The following MYO9A variants were observed in gnomAD, a reference collection of about 807,000 sequenced individuals.
MYO9A encodes the protein unconventional myosin-IXa.
Under a neutral mutation model 293.3 loss-of-function variants are expected in MYO9A, and 103 were observed. The ratio of observed to expected loss-of-function variants is 0.35; its 90% CI spans 0.30 to 0.41. MYO9A has a LOEUF of 0.41. Ranked by LOEUF, MYO9A falls within the 10% of genes least tolerant of loss-of-function variation. The pLI is 1.00. For synonymous variants in MYO9A, 1,001 were observed against 1,035.7 expected (o/e 0.97, Z 0.64); for missense variants, 2,685 against 3,033.0 (o/e 0.89, Z 2.69).
intron 32 of MYO9A, among the ~76,000 whole-genome samples, chr15:71,874,128 G>C (rs2056606878): frequency 6.6e-6 from 1 of 152,122 alleles, no homozygotes; most frequent in Non-Finnish European, 1.5e-5. Context: ...TTCGCAATAG[G>C]CAAATAATCT....
chr15:71,963,714 A>G (rs1024918619), intron 13 of MYO9A, among the ~76,000 whole-genome samples: 12 of 152,194 alleles, frequency 7.9e-5, no homozygotes, highest in African/African-American at 2.9e-4. Flanking sequence ...GGCCTCCCAA[A>G]GTGCTGGGAT....
chr15:72,104,839 A>C (rs1252937742), intron 1 of MYO9A, among the ~76,000 whole-genome samples: 1 of 152,246 alleles, frequency 6.6e-6, no homozygotes, highest in African/African-American at 2.4e-5. Flanking sequence ...TAAGACAAAA[A>C]AAGAGAAAGA....
intron 1 of MYO9A, among the ~76,000 whole-genome samples, chr15:72,113,407 A>T (rs940844674): frequency 6.6e-6 from 1 of 152,236 alleles, no homozygotes; most frequent in African/African-American, 2.4e-5. Flanking sequence ...GAGAAAGCAC[A>T]TTACCTGAGA....
chr15:71,986,334 CCT>C (rs2076406680), intron 11 of MYO9A, among the ~76,000 whole-genome samples: 1 of 152,108 alleles, frequency 6.6e-6, no homozygotes, highest in Admixed American at 6.5e-5. Context: ...AAACCAATCC[CCT>C]GTGGATACCC....
chr15:71,944,287 G>T, intron 15 of MYO9A, among the ~76,000 whole-genome samples: 1 of 147,940 alleles, frequency 6.8e-6, no homozygotes, highest in East Asian at 2.0e-4. Context: ...CTGTTTCCCA[G>T]GCTGTGGTAT....
chr15:71,826,328 C>A lies in MYO9A; in HGVS notation c.*252G>T. 1 of 430,324 alleles carries A rather than the reference C, an allele frequency of 2.3e-6. No individual in the cohort carries two copies. The highest frequency in any genetic ancestry group is 4.1e-6 in the Non-Finnish European group (1 of 245,288). 26.7% of individuals were successfully genotyped at this position (430,324 alleles called of 1,614,324 possible). A position where few individuals can be genotyped will look rare whatever the true frequency, so the allele number is the denominator to read the frequency against. On this transcript the variant is annotated 3_prime_UTR_variant, in exon 42 of 42. Coordinates refer to ENST00000356056, the MANE Select transcript of MYO9A (RefSeq NM_006901.4). ...CTACAACTGACCCAAATCCCCAGGCCCTAGGTGGCTTTGTATAGTAAAAAT... is the reference window on the plus strand; with the variant it reads ...CTACAACTGACCCAAATCCCCAGGCACTAGGTGGCTTTGTATAGTAAAAAT...
At chr15:71,875,300 G>C (rs1004965706) in intron 32 of MYO9A, among the ~76,000 whole-genome samples, 1 of 151,808 alleles carries the variant, frequency 6.6e-6, no homozygotes, top group African/African-American at 2.4e-5. Context: ...GCAGTCTTTT[G>C]CTTTTACAAA....
At chr15:72,096,248 G>A (rs144188240) in intron 1 of MYO9A, among the ~76,000 whole-genome samples, 25 of 152,052 alleles carry the variant, frequency 1.6e-4, no homozygotes, top group African/African-American at 6.0e-4. Context: ...TGAGGTGGGA[G>A]AATCACCTGA....
intron 19 of MYO9A, among the ~76,000 whole-genome samples, chr15:71,907,882 C>G (rs1160778509): frequency 6.6e-6 from 1 of 152,108 alleles, no homozygotes; most frequent in Non-Finnish European, 1.5e-5. Context: ...AATTTTCTCC[C>G]ATTTTGTGGG....
chr15:72,115,718 C>T (rs2080946551), intron 1 of MYO9A, among the ~76,000 whole-genome samples: 1 of 152,194 alleles, frequency 6.6e-6, no homozygotes, highest in Non-Finnish European at 1.5e-5. Context: ...ATATTATAAT[C>T]ATCATCACAG....
At chr15:72,079,570 T>A (rs1236595692) in intron 1 of MYO9A, among the ~76,000 whole-genome samples, 1 of 151,998 alleles carries the variant, frequency 6.6e-6, no homozygotes, top group African/African-American at 2.4e-5. Flanking sequence ...TATAAGTAAA[T>A]GCACAAATAA....
At chr15:71,918,404 T>C (rs1419688298) in intron 18 of MYO9A, among the ~76,000 whole-genome samples, 3 of 152,186 alleles carry the variant, frequency 2.0e-5, no homozygotes, top group Non-Finnish European at 4.4e-5. Context: ...TAAAGTATGC[T>C]TCATTTACAC....
Position 72,046,403 on chromosome 15 carries a change from T to C in MYO9A, c.161A>G (p.His54Arg). The change falls in exon 2 of 42, where the codon CAT becomes CGT. Residue 54 changes from histidine to arginine, a missense_variant. This residue lies in a region of MYO9A where 22 missense variants were observed against 47.2 expected (regional missense o/e 0.47). Transcript: ENST00000356056. ...EVIESLINKL[H>R]LDKTKCYVLA... ...AACATAACATTTTGTTTTGTCAAGATGAAGTTTGTTTATAAGAGACTCAAT... is the reference window on the plus strand; with the variant it reads ...AACATAACATTTTGTTTTGTCAAGACGAAGTTTGTTTATAAGAGACTCAAT... 6.2e-7 allele frequency: 1 copy of C among 1,614,228 alleles called. No individual in the cohort carries two copies. The highest frequency in any genetic ancestry group is 2.2e-5 in the East Asian group (1 of 44,892).
intron 11 of MYO9A, among the ~76,000 whole-genome samples, chr15:71,983,159 AAC>A (rs1226090709): frequency 1.3e-5 from 2 of 152,110 alleles, no homozygotes; most frequent in Non-Finnish European, 2.9e-5. Context: ...GATTAAATCA[AAC>A]ACCTTACTAC....
Position 72,117,949 on chromosome 15 carries a change from A to C in MYO9A, c.-341T>G, listed in dbSNP as rs977476646. 1 of 401,014 alleles carries C rather than the reference A, an allele frequency of 2.5e-6. No individual in the cohort carries two copies. The highest frequency in any genetic ancestry group is 4.4e-6 in the Non-Finnish European group (1 of 228,426). 24.8% of individuals were successfully genotyped at this position (401,014 alleles called of 1,614,324 possible). Reference sequence around the variant, plus strand: ...AGAGCACGCGTTGGACCGCCGCCTCAACCGCTGCCAGCGGCCGCCTCTGCC... The same window carrying C: ...AGAGCACGCGTTGGACCGCCGCCTCCACCGCTGCCAGCGGCCGCCTCTGCC... On this transcript the variant is annotated 5_prime_UTR_variant, in exon 1 of 42. Transcript: ENST00000356056.
chr15:71,857,347 C>T (rs1218301806), intron 34 of MYO9A, among the ~76,000 whole-genome samples: 1 of 152,038 alleles, frequency 6.6e-6, no homozygotes, highest in African/African-American at 2.4e-5. Context: ...AAACTAACTT[C>T]AATGTGTATT....
At chr15:71,853,807 G>C (rs2055756044) in intron 35 of MYO9A, among the ~76,000 whole-genome samples, 1 of 152,176 alleles carries the variant, frequency 6.6e-6, no homozygotes, top group Non-Finnish European at 1.5e-5. Flanking sequence ...AGTGTAGGCA[G>C]GCAAGAAGAT....
chr15:71,827,749 G>C, intron 41 of MYO9A, 135 bp downstream of exon 41: 1 of 1,018,592 alleles, frequency 9.8e-7, no homozygotes, highest in Non-Finnish European at 1.4e-6. Context: ...TGGATAAAAG[G>C]ACAAAATTCC....
chr15:71,855,014 C>T (rs894195457), intron 34 of MYO9A, among the ~76,000 whole-genome samples: 9 of 152,210 alleles, frequency 5.9e-5, no homozygotes, highest in African/African-American at 2.2e-4. Flanking sequence ...GGAAGTTTAA[C>T]TGAAAAATGA....
Sources: allele counts gnomAD v4.1 joint callset (sites outside exome capture counted in the v4.1 genomes callset), GRCh38; gene constraint gnomAD v4.1.1; regional missense constraint gnomAD v4.1.1; transcripts MANE v1.5; gene names NCBI Gene and HGNC (gene_info 2026-07-23, HGNC 2026-07-21).